The following SRGAP3 variants were observed in gnomAD, a reference collection of about 807,000 sequenced individuals.
SRGAP3 encodes the protein SLIT-ROBO Rho GTPase-activating protein 3.
In SRGAP3, 39 loss-of-function variants were observed where a neutral mutation model predicts 121.1. The ratio of observed to expected loss-of-function variants is 0.32; its 90% CI spans 0.25 to 0.42. The LOEUF (loss-of-function observed/expected upper bound fraction) is 0.42. Among genes scored for constraint, SRGAP3 ranks in the 10% least tolerant of loss-of-function variants. The pLI is 1.00. For missense variants in SRGAP3, 1,213 were observed against 1,470.6 expected (o/e 0.82, Z 2.86); for synonymous variants, 601 against 570.0 (o/e 1.05, Z -0.77).
chr3:9,003,261 C>T (rs1295944679), intron 18 of SRGAP3, among the ~76,000 whole-genome samples: 1 of 152,146 alleles, frequency 6.6e-6, no homozygotes, highest in African/African-American at 2.4e-5. Context: ...GGGCGGATAA[C>T]TTGAGGTCAG....
chr3:9,221,866 A>C (rs1952826433), intron 1 of SRGAP3, among the ~76,000 whole-genome samples: 1 of 152,222 alleles, frequency 6.6e-6, no homozygotes, highest in South Asian at 2.1e-4. Flanking sequence ...CACATGTGAC[A>C]TTGTCATTAC....
intron 4 of SRGAP3, among the ~76,000 whole-genome samples, chr3:9,072,387 C>T (rs1033668043): frequency 3.3e-5 from 5 of 152,324 alleles, no homozygotes; most frequent in East Asian, 1.9e-4. Flanking sequence ...AGCCACATCT[C>T]GTGGTCTGGA....
chr3:9,129,628 TG>T (rs1949366582), intron 1 of SRGAP3, among the ~76,000 whole-genome samples: 1 of 152,128 alleles, frequency 6.6e-6, no homozygotes, highest in African/African-American at 2.4e-5. Flanking sequence ...TGGGTTTTTT[TG>T]TTTGTTAGTT....
intron 1 of SRGAP3, among the ~76,000 whole-genome samples, chr3:9,342,038 A>G (rs575327362): frequency 1.3e-5 from 2 of 152,284 alleles, no homozygotes; most frequent in East Asian, 1.9e-4. Context: ...CGAAGTTTCA[A>G]TTAAAAGTCA....
chr3:8,992,046 C>T (rs1301161149), intron 20 of SRGAP3, among the ~76,000 whole-genome samples: 1 of 152,170 alleles, frequency 6.6e-6, no homozygotes, highest in South Asian at 2.1e-4. Flanking sequence ...CCACAGTGCC[C>T]CGAGCTATCT....
intron 17 of SRGAP3, among the ~76,000 whole-genome samples, chr3:9,011,519 C>T (rs903539844): frequency 3.9e-5 from 6 of 152,220 alleles, no homozygotes; most frequent in African/African-American, 1.4e-4. Flanking sequence ...CTACTGAATG[C>T]TCCAGGTCTT....
chr3:9,102,864 A>G (rs1177301354), intron 3 of SRGAP3, among the ~76,000 whole-genome samples: 1 of 152,186 alleles, frequency 6.6e-6, no homozygotes, highest in Non-Finnish European at 1.5e-5. Flanking sequence ...TTCATTTCCT[A>G]AAGGCCTTGA....
chr3:9,226,117 C>A (rs1338983534), intron 1 of SRGAP3, among the ~76,000 whole-genome samples: 2 of 152,124 alleles, frequency 1.3e-5, no homozygotes, highest in Non-Finnish European at 2.9e-5. Context: ...GCCCCGCAAC[C>A]CCAACCCCCG....
intron 3 of SRGAP3, among the ~76,000 whole-genome samples, chr3:9,096,006 A>G (rs1947951647): frequency 6.6e-6 from 1 of 152,088 alleles, no homozygotes; most frequent in Non-Finnish European, 1.5e-5. Context: ...CAGGAGTTCG[A>G]GGCTGCAGTG....
In SRGAP3 at chr3:9,023,930, T is replaced by G. The variant is rs553240367; in HGVS notation, c.1678+1331A>C. 3.0e-4 allele frequency among the ~76,000 whole-genome samples: 46 copies of G among 152,342 alleles called. 1 individual carries two copies. In the South Asian group the frequency reaches 8.9e-3, roughly 29 times the overall value. ...AGAGCACCTACATCCACAGAGGGTCTGTGCCTGGGGGCCGTGGCAGTACTG... is the reference window on the plus strand; with the variant it reads ...AGAGCACCTACATCCACAGAGGGTCGGTGCCTGGGGGCCGTGGCAGTACTG... On this transcript the variant is annotated intron_variant, in intron 14 of 21. Coordinates refer to ENST00000383836, the MANE Select transcript of SRGAP3 (RefSeq NM_014850.4).
At chr3:9,173,794 C>T (rs982367346) in intron 1 of SRGAP3, among the ~76,000 whole-genome samples, 6 of 152,182 alleles carry the variant, frequency 3.9e-5, no homozygotes, top group African/African-American at 1.4e-4. Flanking sequence ...CCGAACACTG[C>T]TCTTTCCCAT....
chr3:9,077,285 ACT>A (rs1162277339), intron 4 of SRGAP3, among the ~76,000 whole-genome samples: 1 of 151,516 alleles, frequency 6.6e-6, no homozygotes, highest in Non-Finnish European at 1.5e-5. Context: ...GATGTACAAG[ACT>A]CTGACAGAGA....
intron 1 of SRGAP3, among the ~76,000 whole-genome samples, chr3:9,127,996 T>A (rs1417911014): frequency 6.6e-6 from 1 of 151,622 alleles, no homozygotes; most frequent in Non-Finnish European, 1.5e-5. Flanking sequence ...TCCAAACTCA[T>A]CAAGATGCAT....
At chr3:9,312,406 C>T (rs1295172928) in intron 3 of SRGAP3, among the ~76,000 whole-genome samples, 3 of 152,238 alleles carry the variant, frequency 2.0e-5, no homozygotes, top group Non-Finnish European at 2.9e-5. Context: ...ATCTGCCCGC[C>T]TCGGCCACCC....
chr3:9,337,159 T>C (rs1368879748), intron 1 of SRGAP3, among the ~76,000 whole-genome samples: 1 of 152,212 alleles, frequency 6.6e-6, no homozygotes, highest in Non-Finnish European at 1.5e-5. Context: ...AGCCTTTGTG[T>C]TCTACTCAGG....
At chr3:9,205,545 G>A (rs963482701) in intron 1 of SRGAP3, among the ~76,000 whole-genome samples, 3 of 152,206 alleles carry the variant, frequency 2.0e-5, no homozygotes, top group African/African-American at 7.2e-5. Flanking sequence ...ACAGAGCTGA[G>A]ACTCAATAAA....
At chr3:9,053,793 T>A (rs910383392) in intron 8 of SRGAP3, among the ~76,000 whole-genome samples, 2 of 152,176 alleles carry the variant, frequency 1.3e-5, no homozygotes, top group African/African-American at 4.8e-5. Context: ...GACTCCAGTT[T>A]TTTCTTCTGG....
chr3:9,184,967 A>T (rs1951550575), intron 1 of SRGAP3, among the ~76,000 whole-genome samples: 1 of 152,124 alleles, frequency 6.6e-6, no homozygotes, highest in Non-Finnish European at 1.5e-5. Flanking sequence ...TGGCTGTTGT[A>T]TTGGTCATCT....
At chr3:9,299,837 G>A (rs186478974) in intron 3 of SRGAP3, among the ~76,000 whole-genome samples, 7 of 152,146 alleles carry the variant, frequency 4.6e-5, no homozygotes, top group South Asian at 4.2e-4. Flanking sequence ...CCTGGGAGGC[G>A]GAGGTTGCGG....
Sources: allele counts gnomAD v4.1 joint callset (sites outside exome capture counted in the v4.1 genomes callset), GRCh38; gene constraint gnomAD v4.1.1; transcripts MANE v1.5; gene names NCBI Gene and HGNC (gene_info 2026-07-23, HGNC 2026-07-21).